The following CDYL variants were observed in gnomAD, a reference collection of about 807,000 sequenced individuals.
The protein encoded by CDYL is chromodomain Y-like protein.
In CDYL, 8 loss-of-function variants were observed where a neutral mutation model predicts 47.3. The ratio of observed to expected loss-of-function variants is 0.17; its 90% CI spans 0.10 to 0.31. CDYL has a LOEUF of 0.31. CDYL is among the 10% of genes least tolerant of loss of function. The pLI, the probability that CDYL is intolerant of heterozygous loss-of-function variation, is 1.00. For synonymous variants in CDYL, 266 were observed against 265.0 expected, an observed-to-expected ratio of 1.00 and a Z score of -0.04; for missense variants, 471 against 701.4, an observed-to-expected ratio of 0.67 and a Z score of 3.71.
intron 1 of CDYL, among the ~76,000 whole-genome samples, chr6:4,862,192 C>T (rs2127469024): frequency 6.6e-6 from 1 of 152,310 alleles, no homozygotes; most frequent in Non-Finnish European, 1.5e-5. Flanking sequence ...AACAAGTCAC[C>T]TCCTTCCCTG....
At chr6:4,906,000 A>G (rs1204687581) in intron 2 of CDYL, among the ~76,000 whole-genome samples, 2 of 152,226 alleles carry the variant, frequency 1.3e-5, no homozygotes, top group Non-Finnish European at 1.5e-5. Context: ...CCTTGAAAGA[A>G]GTAACTTCCT....
intron 2 of CDYL, among the ~76,000 whole-genome samples, chr6:4,903,682 G>C (rs1757139338): frequency 6.6e-6 from 1 of 152,180 alleles, no homozygotes; most frequent in Non-Finnish European, 1.5e-5. Context: ...CTCCCGCTTT[G>C]TGTGCTCGGC....
At chr6:4,789,931 A>G (rs2063676) in intron 1 of CDYL, among the ~76,000 whole-genome samples, 3,841 of 152,296 alleles carry the variant, frequency 0.025, 165 homozygotes, top group African/African-American at 0.088. Context: ...CAGACGACAG[A>G]AAGCTGCCCT....
At chr6:4,724,836 G>A (rs748028018) in intron 2 of CDYL, 5 of 152,080 alleles carry the variant, frequency 3.3e-5, no homozygotes, top group Admixed American at 6.6e-5. Flanking sequence ...ATTGCAAAGA[G>A]CAAAAAAATA....
intron 2 of CDYL, among the ~76,000 whole-genome samples, chr6:4,918,768 A>C (rs1199191647): frequency 1.3e-5 from 2 of 152,178 alleles, no homozygotes; most frequent in East Asian, 3.8e-4. Flanking sequence ...ATCGCTTTGA[A>C]ACTGCTTTAT....
intron 1 of CDYL, among the ~76,000 whole-genome samples, chr6:4,806,365 A>G (rs1292760502): frequency 6.6e-6 from 1 of 152,180 alleles, no homozygotes; most frequent in Non-Finnish European, 1.5e-5. Flanking sequence ...ATCTTTCCAA[A>G]ATGTGAAATT....
At chr6:4,710,776 C>A (rs1254383563) in intron 1 of CDYL, among the ~76,000 whole-genome samples, 1 of 152,138 alleles carries the variant, frequency 6.6e-6, no homozygotes, top group Non-Finnish European at 1.5e-5. Context: ...CCAAGCTATT[C>A]CCTCCTCCTC....
chr6:4,715,791 G>A, exon 2 of CDYL: 5 of 1,614,102 alleles, frequency 3.1e-6, no homozygotes, highest in Non-Finnish European at 3.4e-6. Context: ...GACATTTCAG[G>A]CAAGCCACAG....
chr6:4,949,240 C>T (rs1440578137), intron 5 of CDYL, among the ~76,000 whole-genome samples: 1 of 152,220 alleles, frequency 6.6e-6, no homozygotes, highest in Admixed American at 6.5e-5. Flanking sequence ...GGAAATCTTG[C>T]ACCTCTCAGG....
At chr6:4,918,246 AG>A (rs55813814) in intron 2 of CDYL, among the ~76,000 whole-genome samples, 127,429 of 152,104 alleles carry the variant, frequency 0.84, 53,578 homozygotes, top group Admixed American at 0.89. Flanking sequence ...CCACTGCTGG[AG>A]AATTATACCA....
At chr6:4,724,126 G>A (rs1468674168) in intron 2 of CDYL, among the ~76,000 whole-genome samples, 3 of 152,132 alleles carry the variant, frequency 2.0e-5, no homozygotes, top group Admixed American at 6.5e-5. Context: ...CTATAACCTT[G>A]ACCTCCTGGG....
intron 2 of CDYL, among the ~76,000 whole-genome samples, chr6:4,928,518 C>T (rs1005737040): frequency 1.3e-5 from 2 of 152,046 alleles, no homozygotes; most frequent in African/African-American, 2.4e-5. Context: ...TGACATAAAC[C>T]GTCAACCATT....
intron 1 of CDYL, among the ~76,000 whole-genome samples, chr6:4,777,594 C>A (rs1758504920): frequency 6.6e-6 from 1 of 152,176 alleles, no homozygotes; most frequent in Non-Finnish European, 1.5e-5. Flanking sequence ...TTCTGTTCTT[C>A]TGGATAAATG....
At position 4,748,766 on chromosome 6, in the gene CDYL, G is replaced by T. The variant is rs529061725; in HGVS notation, c.186+13922G>T. Among the ~76,000 whole-genome samples, 3 of 152,074 alleles carry T rather than the reference G, an allele frequency of 2.0e-5. No homozygotes were observed. The South Asian group carries it at 6.2e-4, about 32-fold the overall frequency. On this transcript the variant is annotated intron_variant, in intron 3 of 8. Transcript: ENST00000328908. ...AGATGGAAGAAGGAGAGGTAAAAAG[G>T]GAAAATGTGCAAAAAGCCAAGAAGT...
chr6:4,894,995 T>A (rs9504287), intron 2 of CDYL, among the ~76,000 whole-genome samples: 148,140 of 151,370 alleles, frequency 0.98, 72,547 homozygotes, highest in East Asian at 1. Flanking sequence ...ATGTGTATAC[T>A]TGTGTGTATG....
intron 4 of CDYL, among the ~76,000 whole-genome samples, chr6:4,942,948 C>G (rs1758404716): frequency 6.6e-6 from 1 of 152,214 alleles, no homozygotes; most frequent in African/African-American, 2.4e-5. Flanking sequence ...CTGTGACACT[C>G]TTGTCTCTGT....
At chr6:4,826,057 G>A (rs1176962003) in intron 1 of CDYL, among the ~76,000 whole-genome samples, 1 of 152,124 alleles carries the variant, frequency 6.6e-6, no homozygotes, top group Non-Finnish European at 1.5e-5. Context: ...ACGGTCTCAG[G>A]CAAGTCACTT....
upstream of CDYL, among the ~76,000 whole-genome samples, chr6:4,775,999 G>T (rs577239885): frequency 1.3e-5 from 2 of 149,904 alleles, no homozygotes; most frequent in East Asian, 3.9e-4. The surrounding 1 kb of genome is among the most constrained non-coding windows in gnomAD (Gnocchi z 7.0). Flanking sequence ...GCCCGTCCTG[G>T]TGTGCACAAC....
At chr6:4,879,306 C>T (rs553483877) in intron 1 of CDYL, among the ~76,000 whole-genome samples, 7 of 152,200 alleles carry the variant, frequency 4.6e-5, no homozygotes, top group Non-Finnish European at 7.4e-5. Context: ...TACTTTCTCC[C>T]TTAAGTTCTG....
Sources: gnomAD v4.1 joint callset for allele counts (sites outside exome capture counted in the v4.1 genomes callset) on GRCh38, gnomAD v4.1.1 for gene constraint, Gnocchi (gnomAD v3.1) non-coding constraint, MANE v1.5 for transcripts, NCBI Gene and HGNC (gene_info 2026-07-23, HGNC 2026-07-21) for gene names.